The following HMCN1 variants were observed in gnomAD, a reference collection of about 807,000 sequenced individuals.
HMCN1 encodes the protein hemicentin-1.
In HMCN1, 321 loss-of-function variants were observed where a neutral mutation model predicts 625.9. The observed-to-expected ratio is 0.51, with a 90% confidence interval of 0.47 to 0.56. The LOEUF (loss-of-function observed/expected upper bound fraction) is 0.56. Among genes scored for constraint, HMCN1 ranks in the 20% least tolerant of loss-of-function variants. The pLI is 0.00. For synonymous variants in HMCN1, 2,425 were observed against 2,417.6 expected (o/e 1.00, Z -0.09); for missense variants, 6,588 against 6,887.3 (o/e 0.96, Z 1.54).
chr1:185,793,909 A>G (rs1457477015), intron 1 of HMCN1, among the ~76,000 whole-genome samples: 1 of 152,210 alleles, frequency 6.6e-6, no homozygotes, highest in Non-Finnish European at 1.5e-5. Context: ...GTTCAGAACC[A>G]GTGAGTTGAA....
intron 11 of HMCN1, among the ~76,000 whole-genome samples, chr1:185,938,544 A>T (rs183971796): frequency 6.6e-6 from 1 of 151,900 alleles, no homozygotes; most frequent in African/African-American, 2.4e-5. Context: ...CAGATAATTC[A>T]TTTTCCTTAT....
chr1:186,061,317 T>C (rs1485002594), intron 46 of HMCN1, among the ~76,000 whole-genome samples: 1 of 152,094 alleles, frequency 6.6e-6, no homozygotes, highest in African/African-American at 2.4e-5. Context: ...AGAGAGTATG[T>C]GAAGGAAGAC....
chr1:185,878,331 G>T (rs534345422), intron 4 of HMCN1, among the ~76,000 whole-genome samples: 1 of 152,108 alleles, frequency 6.6e-6, no homozygotes, highest in Non-Finnish European at 1.5e-5. Flanking sequence ...TTCTTAGTGC[G>T]AATGCTTTCA....
At chr1:185,978,706 G>A (rs755364986) in intron 16 of HMCN1, among the ~76,000 whole-genome samples, 1 of 151,968 alleles carries the variant, frequency 6.6e-6, no homozygotes. Context: ...GTGGGTACGG[G>A]TTCTCATTCT....
At chr1:185,781,530 C>A (rs537494139) in intron 1 of HMCN1, among the ~76,000 whole-genome samples, 2 of 152,132 alleles carry the variant, frequency 1.3e-5, no homozygotes, top group South Asian at 4.2e-4. Context: ...TGTGTCCTGG[C>A]AATTCTGGTA....
At chr1:186,088,547 A>G in intron 62 of HMCN1, 59 bp from the exon 63 acceptor site, 1 of 1,547,734 alleles carries the variant, frequency 6.5e-7, no homozygotes, top group Non-Finnish European at 8.8e-7. Context: ...CATGAATTTT[A>G]GAGATGTTAA....
chr1:186,160,924 A>G (rs1316811017), intron 97 of HMCN1, among the ~76,000 whole-genome samples: 1 of 151,810 alleles, frequency 6.6e-6, no homozygotes, highest in Non-Finnish European at 1.5e-5. Context: ...AGTTCTGTAG[A>G]TGTCTATTAG....
chr1:185,789,567 A>T (rs984267942), intron 1 of HMCN1, among the ~76,000 whole-genome samples: 4 of 152,236 alleles, frequency 2.6e-5, no homozygotes, highest in African/African-American at 7.2e-5. Context: ...ATAGGATCAT[A>T]AATTTTATCT....
At chr1:185,913,732 G>A (rs1666552073) in intron 6 of HMCN1, among the ~76,000 whole-genome samples, 1 of 152,112 alleles carries the variant, frequency 6.6e-6, no homozygotes, top group Non-Finnish European at 1.5e-5. Flanking sequence ...GAGGGATATT[G>A]CATGACTGTT....
At chr1:186,087,382 A>G (rs1215362880) in intron 59 of HMCN1, 52 bp downstream of exon 59, 2 of 1,598,704 alleles carry the variant, frequency 1.3e-6, no homozygotes, top group Middle Eastern at 1.7e-4. Context: ...CTGGTATTCA[A>G]TATTTTCTAT....
At chr1:185,891,761 A>T (rs929867191) in intron 4 of HMCN1, among the ~76,000 whole-genome samples, 6 of 147,538 alleles carry the variant, frequency 4.1e-5, no homozygotes, top group Non-Finnish European at 7.4e-5. Context: ...CTTCATTTCA[A>T]CTTTGGTGAA....
At chr1:185,949,010 A>T (rs972603230) in intron 11 of HMCN1, among the ~76,000 whole-genome samples, 12 of 151,906 alleles carry the variant, frequency 7.9e-5, no homozygotes, top group African/African-American at 2.9e-4. Context: ...TTGAGAAACT[A>T]AATGGAATAA....
intron 2 of HMCN1, among the ~76,000 whole-genome samples, chr1:185,848,240 A>T (rs1423505001): frequency 1.3e-5 from 2 of 152,014 alleles, no homozygotes; most frequent in African/African-American, 4.8e-5. Context: ...CCACTGTATC[A>T]AAGTAGCATT....
intron 7 of HMCN1, among the ~76,000 whole-genome samples, chr1:185,923,142 A>C (rs113867924): frequency 3.7e-4 from 57 of 152,262 alleles, no homozygotes; most frequent in African/African-American, 1.3e-3. Context: ...ACATATAACA[A>C]TTTTCACGAT....
intron 1 of HMCN1, among the ~76,000 whole-genome samples, chr1:185,775,849 T>TTATTGGGCTGGGA (rs2102157721): frequency 6.6e-6 from 1 of 152,288 alleles, no homozygotes; most frequent in South Asian, 2.1e-4. Context: ...GAACATGTGT[T>TTATTGGGCTGGGA]TATTGGGCTG....
At chr1:185,813,036 CTAAA>C (rs1659625381) in intron 1 of HMCN1, among the ~76,000 whole-genome samples, 1 of 152,120 alleles carries the variant, frequency 6.6e-6, no homozygotes, top group South Asian at 2.1e-4. Flanking sequence ...TAGTGACTAC[CTAAA>C]TAGATACTTG....
intron 16 of HMCN1, among the ~76,000 whole-genome samples, chr1:185,979,356 A>G (rs1049431678): frequency 1.3e-5 from 2 of 152,206 alleles, no homozygotes; most frequent in East Asian, 3.8e-4. Context: ...GAAAGGGAAC[A>G]TTGAAAAGCT....
chr1:185,754,205 G>A (rs573853252), intron 1 of HMCN1, among the ~76,000 whole-genome samples: 20 of 152,074 alleles, frequency 1.3e-4, no homozygotes, highest in South Asian at 6.2e-4. Context: ...ATGTAGAGTC[G>A]AAAACAATCA....
chr1:186,048,751 T>C lies in HMCN1; in HGVS notation c.6489T>C (p.Asp2163=), dbSNP rs1367350450. The change falls in exon 42 of 107, where the codon GAT becomes GAC. Residue 2163 remains aspartate, a synonymous_variant. Coordinates refer to ENST00000271588, the MANE Select transcript of HMCN1 (RefSeq NM_031935.3). ...SENRSVLKIE[D]AQVQDTGRYT... ...GATGATTTTGTTTTCAGATTGAAGA[T>C]GCTCAGGTTCAAGACACTGGTCGTT... 6.2e-7 allele frequency: 1 copy of C among 1,605,240 alleles called. No homozygotes were observed. The highest frequency in any genetic ancestry group is 1.7e-5 in the Admixed American group (1 of 59,938).
Sources: gnomAD v4.1 joint callset for allele counts (sites outside exome capture counted in the v4.1 genomes callset) on GRCh38, gnomAD v4.1.1 for gene constraint, MANE v1.5 for transcripts, NCBI Gene and HGNC (gene_info 2026-07-23, HGNC 2026-07-21) for gene names.